The following VEPH1 variants were observed in gnomAD, a reference collection of about 807,000 sequenced individuals.
VEPH1 encodes the protein ventricular zone expressed PH domain containing 1.
VEPH1 carries 80 observed loss-of-function variants against 85.2 expected under a neutral mutation model. The ratio of observed to expected loss-of-function variants is 0.94; its 90% CI spans 0.78 to 1.13. The LOEUF (loss-of-function observed/expected upper bound fraction) is 1.13, where lower values mean the gene tolerates loss of function less well. Among genes scored for constraint, VEPH1 ranks in the 50% most tolerant of loss-of-function variants. VEPH1 has a pLI of 0.00. For synonymous variants in VEPH1, 297 were observed against 348.0 expected (o/e 0.85, Z 1.63); for missense variants, 955 against 980.5 (o/e 0.97, Z 0.35).
intron 11 of VEPH1, 130 bp downstream of exon 11, chr3:157,313,491 T>A: frequency 2.7e-6 from 3 of 1,094,196 alleles, no homozygotes; most frequent in Non-Finnish European, 2.5e-6. Context: ...TTCTTACAAG[T>A]GTTTTATGAT....
At chr3:157,437,052 C>CCA in intron 4 of VEPH1, 1 of 1,613,888 alleles carries the variant, frequency 6.2e-7, no homozygotes, top group Non-Finnish European at 8.5e-7. Context: ...GGACTCCATC[C>CCA]CACTGAGGAC....
chr3:157,344,268 T>C (rs529435072), intron 9 of VEPH1, among the ~76,000 whole-genome samples: 72 of 152,290 alleles, frequency 4.7e-4, no homozygotes, highest in Non-Finnish European at 8.4e-4. Flanking sequence ...TGATTGTATA[T>C]TTAGAAAACC....
In VEPH1 at chr3:157,495,304, G is replaced by A. The variant is rs200324023; in HGVS notation, c.46C>T (p.Arg16Ter). 215 of 1,614,034 alleles carry A rather than the reference G, an allele frequency of 1.3e-4. No homozygotes were observed. Among genetic ancestry groups the A allele is most frequent in the Non-Finnish European group, 1.6e-4 (190 of 1,179,918 alleles). Residue 16 changes from arginine (R) to a stop codon, truncating the protein, a stop_gained, in exon 2 of 14, where the codon CGA becomes TGA. Coordinates refer to ENST00000362010, the MANE Select transcript of VEPH1 (RefSeq NM_001167912.2). LOFTEE classifies it high-confidence loss of function. ...RLVLGQKDLS[R>*]AGDLFSLDDS... ...TCTAAGGAGAAGAGGTCCCCAGCTCGTGAAAGATCTTTTTGTCCCAAAACC... is the reference window on the plus strand; with the variant it reads ...TCTAAGGAGAAGAGGTCCCCAGCTCATGAAAGATCTTTTTGTCCCAAAACC...
chr3:157,444,393 A>C (rs1384857238), intron 4 of VEPH1, among the ~76,000 whole-genome samples: 3 of 152,242 alleles, frequency 2.0e-5, no homozygotes, highest in Non-Finnish European at 4.4e-5. Flanking sequence ...ATAAAATTCC[A>C]TGAATCTAAT....
chr3:157,345,601 CCATTGTGGAAGT>C (rs1235631635), intron 9 of VEPH1, among the ~76,000 whole-genome samples: 1 of 152,198 alleles, frequency 6.6e-6, no homozygotes, highest in South Asian at 2.1e-4. Context: ...ACTAGTTCAA[CCATTGTGGAAGT>C]CAGTGTGGTG....
At chr3:157,348,415 A>T (rs1416750414) in intron 9 of VEPH1, among the ~76,000 whole-genome samples, 4 of 148,266 alleles carry the variant, frequency 2.7e-5, no homozygotes, top group East Asian at 3.9e-4. Context: ...AGCATTTGTT[A>T]TTTTTTTTTT....
chr3:157,485,678 A>C (rs900245431), intron 2 of VEPH1, among the ~76,000 whole-genome samples: 7 of 152,094 alleles, frequency 4.6e-5, no homozygotes, highest in African/African-American at 1.7e-4. Flanking sequence ...TATCATAATA[A>C]GTATGAGTTG....
chr3:157,503,196 G>T (rs1321433031), intron 1 of VEPH1, 81 bp downstream of exon 1: 2 of 152,194 alleles, frequency 1.3e-5, no homozygotes, highest in East Asian at 3.8e-4. Flanking sequence ...CCCACTCTTT[G>T]CTTCTTTGCA....
intron 2 of VEPH1, among the ~76,000 whole-genome samples, chr3:157,483,885 C>T (rs1220750684): frequency 2.0e-5 from 3 of 152,042 alleles, no homozygotes; most frequent in Non-Finnish European, 4.4e-5. Context: ...GAATAAATAT[C>T]ATTTCTAAAA....
chr3:157,260,828 A>G lies in VEPH1; in HGVS notation c.*306T>C. On this transcript the variant is annotated 3_prime_UTR_variant, in exon 14 of 14. Transcript: ENST00000362010. ...ACAGTTTTAAATGACATATCTACAG[A>G]AGTTCTTTTATCAGTGACTTTTCCC... 3.7e-6 allele frequency: 1 copy of G among 269,816 alleles called. No individual in the cohort carries two copies. The highest frequency in any genetic ancestry group is 7.0e-6 in the Non-Finnish European group (1 of 142,636). 16.7% of individuals were successfully genotyped at this position (269,816 alleles called of 1,614,324 possible). A position where few individuals can be genotyped will look rare whatever the true frequency, so the allele number is the denominator to read the frequency against.
At chr3:157,311,993 G>C (rs576833215) in intron 11 of VEPH1, among the ~76,000 whole-genome samples, 1 of 152,220 alleles carries the variant, frequency 6.6e-6, no homozygotes, top group East Asian at 1.9e-4. Flanking sequence ...GTCTTACAGA[G>C]CATTACAAAT....
intron 1 of VEPH1, among the ~76,000 whole-genome samples, chr3:157,496,169 C>T (rs988714172): frequency 6.6e-6 from 1 of 152,216 alleles, no homozygotes; most frequent in Admixed American, 6.5e-5. Flanking sequence ...ACATGATAGC[C>T]TTGCCATGTG....
intron 11 of VEPH1, among the ~76,000 whole-genome samples, chr3:157,303,086 G>A (rs926246814): frequency 3.3e-5 from 5 of 152,172 alleles, no homozygotes; most frequent in African/African-American, 1.2e-4. Context: ...ATTTTTTGAT[G>A]AGATGTGTGA....
intron 12 of VEPH1, among the ~76,000 whole-genome samples, chr3:157,267,346 C>G (rs1174440157): frequency 6.6e-6 from 1 of 151,384 alleles, no homozygotes; most frequent in Non-Finnish European, 1.5e-5. Flanking sequence ...ATCCATCCAC[C>G]CTGGCGTCCC....
At chr3:157,288,608 A>G (rs1249259757) in intron 11 of VEPH1, among the ~76,000 whole-genome samples, 3 of 152,220 alleles carry the variant, frequency 2.0e-5, no homozygotes, top group Non-Finnish European at 4.4e-5. Context: ...TATATAAAAG[A>G]TAGTACAAAA....
chr3:157,477,175 G>A (rs1449388142), intron 2 of VEPH1, among the ~76,000 whole-genome samples: 1 of 151,144 alleles, frequency 6.6e-6, no homozygotes, highest in Non-Finnish European at 1.5e-5. Flanking sequence ...GGTGCCCTCT[G>A]GAGGCTCTGA....
At chr3:157,358,363 G>A (rs898831664) in intron 9 of VEPH1, among the ~76,000 whole-genome samples, 2 of 152,052 alleles carry the variant, frequency 1.3e-5, no homozygotes, top group Non-Finnish European at 2.9e-5. Flanking sequence ...AATGAATGAG[G>A]CTCCAGGAAA....
chr3:157,432,405 C>T (rs1733236037), intron 4 of VEPH1, among the ~76,000 whole-genome samples: 1 of 151,894 alleles, frequency 6.6e-6, no homozygotes, highest in African/African-American at 2.4e-5. Flanking sequence ...TAAAAATATT[C>T]TCCTATATTT....
intron 3 of VEPH1, among the ~76,000 whole-genome samples, chr3:157,466,859 G>C (rs956360998): frequency 3.0e-4 from 45 of 152,212 alleles, no homozygotes; most frequent in African/African-American, 9.6e-4. Flanking sequence ...TATGGCCCAA[G>C]GCCAAAAAAC....
Sources: gnomAD v4.1 joint callset for allele counts (sites outside exome capture counted in the v4.1 genomes callset) on GRCh38, gnomAD v4.1.1 for gene constraint, MANE v1.5 for transcripts, NCBI Gene and HGNC (gene_info 2026-07-23, HGNC 2026-07-21) for gene names.